The following ATXN7 variants were observed in gnomAD, a reference collection of about 807,000 sequenced individuals.
ATXN7 encodes ataxin-7.
A neutral mutation model predicts 70.5 loss-of-function variants in ATXN7; 12 were observed. That is an observed-to-expected ratio of 0.17 (90% CI 0.11 to 0.28). The LOEUF (loss-of-function observed/expected upper bound fraction) is 0.28. Ranked by LOEUF, ATXN7 falls within the 10% of genes least tolerant of loss-of-function variation. The pLI, the probability that ATXN7 is intolerant of heterozygous loss-of-function variation, is 1.00. For missense variants in ATXN7, 1,256 were observed against 1,131.7 expected (o/e 1.11, Z -1.58); for synonymous variants, 498 against 448.7 (o/e 1.11, Z -1.39).
intron 2 of ATXN7, among the ~76,000 whole-genome samples, chr3:63,902,611 T>C (rs149363565): frequency 3.5e-4 from 53 of 152,180 alleles, no homozygotes; most frequent in African/African-American, 1.2e-3. Flanking sequence ...TGGCTAGATA[T>C]TGAAAGATAT....
chr3:63,929,639 T>C (rs566268392), intron 4 of ATXN7, among the ~76,000 whole-genome samples: 3 of 152,194 alleles, frequency 2.0e-5, no homozygotes, highest in South Asian at 2.1e-4. Context: ...CTGGTTGATA[T>C]TAAGTAACTA....
chr3:63,866,851 A>G (rs548443763), intron 1 of ATXN7: 1 of 152,244 alleles, frequency 6.6e-6, no homozygotes, highest in African/African-American at 2.4e-5. Context: ...ACAGATCTTT[A>G]TGGGCAGAAA....
intron 11 of ATXN7, 42 bp downstream of exon 11, chr3:63,990,901 A>C: frequency 6.2e-7 from 1 of 1,611,162 alleles, no homozygotes; most frequent in Non-Finnish European, 8.5e-7. Context: ...GACTTTACAC[A>C]GTGCTGCATT....
chr3:63,977,677 A>G (rs564165622), intron 5 of ATXN7, among the ~76,000 whole-genome samples: 15 of 152,210 alleles, frequency 9.9e-5, no homozygotes, highest in Admixed American at 9.2e-4. Flanking sequence ...GAAATGGATT[A>G]GGGGGTGGTT....
In ATXN7 at chr3:64,001,033, T is replaced by TC. The variant is rs2075827896; in HGVS notation, c.*1567dup. 6.6e-6 allele frequency: 1 copy of TC among 152,044 alleles called. No individual in the cohort carries two copies. The highest frequency in any genetic ancestry group is 2.4e-5 in the African/African-American group (1 of 41,404). 9.4% of individuals were successfully genotyped at this position (152,044 alleles called of 1,614,324 possible). ...CTGGCCAGGGCCTGATGAGAGCCAG[T>TC]CAGTACATTCTTTTTTTCCTACAGT... is the stretch of plus-strand genomic sequence containing the variant. On this transcript the variant is annotated 3_prime_UTR_variant, in exon 13 of 13. Transcript: ENST00000674280.
intron 4 of ATXN7, among the ~76,000 whole-genome samples, chr3:63,926,579 C>T (rs991961600): frequency 1.3e-5 from 2 of 152,048 alleles, no homozygotes; most frequent in East Asian, 3.9e-4. Flanking sequence ...GTGAGTTGGG[C>T]AGGCAGATCA....
intron 5 of ATXN7, chr3:63,967,946 C>T (rs1261704781): frequency 6.5e-7 from 1 of 1,535,908 alleles, no homozygotes; most frequent in Admixed American, 2.0e-5. Context: ...CAAAGCAGCC[C>T]TTCTGCGCAG....
chr3:63,934,595 CCT>C (rs2074624637), intron 4 of ATXN7, among the ~76,000 whole-genome samples: 1 of 152,110 alleles, frequency 6.6e-6, no homozygotes, highest in Admixed American at 6.5e-5. Context: ...TAAAGTACTT[CCT>C]CTCTGAGTTC....
chr3:63,919,619 C>CTT (rs376984807), intron 4 of ATXN7, among the ~76,000 whole-genome samples: 1 of 151,634 alleles, frequency 6.6e-6, no homozygotes, highest in Non-Finnish European at 1.5e-5. Context: ...AATTATTATA[C>CTT]TTTAAGTTTT....
At chr3:63,972,106 G>A (rs1316191678) in intron 5 of ATXN7, among the ~76,000 whole-genome samples, 1 of 152,206 alleles carries the variant, frequency 6.6e-6, no homozygotes, top group Non-Finnish European at 1.5e-5. Flanking sequence ...TTAATTGGGA[G>A]CTGTATAATA....
rs371856622 is a variant in ATXN7 at position 63,982,982 on chromosome 3, C to G, written c.1056C>G (p.Leu352=). Residue 352 remains leucine (L), a synonymous_variant, in exon 8 of 13, where the codon CTC becomes CTG. Transcript: ENST00000674280. Reference sequence around the variant, plus strand: ...ACATCCACTGTGGGGTTATTGATCTCGACACCAAGAAGCCCTGCACCCGGT... The same window carrying G: ...ACATCCACTGTGGGGTTATTGATCTGGACACCAAGAAGCCCTGCACCCGGT... The part of the protein sequence containing the change: ...DPDIHCGVID[L]DTKKPCTRSL... The G allele has an allele frequency of 8.1e-6, 13 of 1,613,866 alleles. No homozygotes were observed. The highest frequency in any genetic ancestry group is 1.0e-5 in the Non-Finnish European group (12 of 1,180,002).
At chr3:63,935,457 A>C (rs2074642786) in intron 4 of ATXN7, among the ~76,000 whole-genome samples, 1 of 152,054 alleles carries the variant, frequency 6.6e-6, no homozygotes, top group African/African-American at 2.4e-5. Flanking sequence ...TATTCCCCCA[A>C]AGCTATTCAC....
intron 2 of ATXN7, among the ~76,000 whole-genome samples, chr3:63,909,326 G>A (rs952897936): frequency 1.3e-5 from 2 of 152,172 alleles, no homozygotes; most frequent in South Asian, 4.1e-4. Context: ...AACACTTTTG[G>A]AGGCCAAGGC....
intron 4 of ATXN7, among the ~76,000 whole-genome samples, chr3:63,951,059 G>T (rs541809137): frequency 3.3e-5 from 5 of 152,136 alleles, no homozygotes; most frequent in African/African-American, 7.2e-5. Context: ...TTAGAGGGGG[G>T]ATATAATGAT....
chr3:63,885,806 C>T (rs979157058), intron 1 of ATXN7, among the ~76,000 whole-genome samples: 1 of 152,030 alleles, frequency 6.6e-6, no homozygotes, highest in African/African-American at 2.4e-5. Flanking sequence ...CATTTGAGAC[C>T]AGGAGTTCAA....
At chr3:63,936,509 C>T (rs1162613735) in intron 4 of ATXN7, among the ~76,000 whole-genome samples, 1 of 152,150 alleles carries the variant, frequency 6.6e-6, no homozygotes, top group East Asian at 1.9e-4. Context: ...GTTATGACCT[C>T]AGTTATATGT....
At chr3:63,990,905 C>T (rs778908404) in intron 11 of ATXN7, 46 bp downstream of exon 11, 66 of 1,609,660 alleles carry the variant, frequency 4.1e-5, no homozygotes, top group Non-Finnish European at 5.4e-5. Flanking sequence ...TTACACAGTG[C>T]TGCATTGTCT....
chr3:63,897,706 GC>G (rs1377581232), intron 1 of ATXN7, among the ~76,000 whole-genome samples: 4 of 152,138 alleles, frequency 2.6e-5, no homozygotes, highest in African/African-American at 9.7e-5. Flanking sequence ...CTGTGTCATT[GC>G]CCATATTTGT....
chr3:63,966,577 A>G (rs1006162264), intron 5 of ATXN7, among the ~76,000 whole-genome samples: 5 of 151,778 alleles, frequency 3.3e-5, no homozygotes, highest in Non-Finnish European at 5.9e-5. Context: ...AATCTGGGGG[A>G]AAAAAAGTGG....
Sources: gnomAD v4.1 joint callset for allele counts (sites outside exome capture counted in the v4.1 genomes callset) on GRCh38, gnomAD v4.1.1 for gene constraint, MANE v1.5 for transcripts, NCBI Gene and HGNC (gene_info 2026-07-23, HGNC 2026-07-21) for gene names.